DOP1B: variants seen among roughly 807,000 people sequenced by gnomAD.
DOP1B encodes the protein protein DOP1B.
Under a neutral mutation model 233.5 loss-of-function variants are expected in DOP1B, and 174 were observed. The observed-to-expected ratio is 0.75, with a 90% CI of 0.66 to 0.85. DOP1B has a LOEUF of 0.85. Ranked by LOEUF, DOP1B falls within the 40% of genes least tolerant of loss-of-function variation. The probability of loss-of-function intolerance (pLI) is 0.00; values close to 1 mark genes in which losing one functional copy is unlikely to be tolerated. For synonymous variants in DOP1B, 1,190 were observed against 1,185.6 expected (o/e 1.00, Z -0.08); for missense variants, 2,652 against 2,846.6 (o/e 0.93, Z 1.56).
rs1025376464 is a variant in DOP1B, at chr21:36,270,048, C to T, written c.5523C>T (p.Asn1841=). 1.2e-6 allele frequency: 2 copies of T among 1,614,146 alleles called. No homozygotes were observed. Among genetic ancestry groups the T allele is most frequent in the Non-Finnish European group, 1.7e-6 (2 of 1,180,022 alleles). ...AGAAAATCCTAGAAGCTGTGGGGAA[C>T]ATTGCCGGCTCTTCCTTGGAGCAAA... ...ITQKILEAVG[N]IAGSSLEQTS... Residue 1841 remains asparagine (N), a synonymous_variant, in exon 27 of 37, where the codon AAC becomes AAT. Coordinates refer to ENST00000691173, the MANE Select transcript of DOP1B (RefSeq NM_001320714.2).
intron 23 of DOP1B, among the ~76,000 whole-genome samples, chr21:36,256,277 C>T (rs1280411918): frequency 6.6e-6 from 1 of 151,990 alleles, no homozygotes; most frequent in African/African-American, 2.4e-5. Context: ...ATCATCTCTA[C>T]AGTAAATTTA....
In DOP1B at chr21:36,250,342, G is replaced by A. The variant is rs538866839; in HGVS notation, c.4999-820G>A. Among the ~76,000 whole-genome samples the A allele has an allele frequency of 2.3e-3, 357 of 152,294 alleles. 1 individual carries two copies. The highest frequency in any genetic ancestry group is 8.0e-3 in the African/African-American group (334 of 41,560). On this transcript the variant is annotated intron_variant, in intron 21 of 36. Transcript: ENST00000691173. ...ACGCACCAGGCTCTCTTGCTTTACC[G>A]GTGGACAAGAGAGATGAAGTCCCTG...
chr21:36,193,324 C>A (rs946416522), intron 2 of DOP1B, among the ~76,000 whole-genome samples: 2 of 152,146 alleles, frequency 1.3e-5, no homozygotes, highest in African/African-American at 4.8e-5. Flanking sequence ...GTGACAGTCG[C>A]GTAGAATGAC....
chr21:36,286,255 T>C (rs974138855), intron 32 of DOP1B, among the ~76,000 whole-genome samples: 10 of 152,126 alleles, frequency 6.6e-5, no homozygotes, highest in African/African-American at 2.2e-4. Flanking sequence ...AAAAGGCATG[T>C]ACAACATGAG....
At chr21:36,255,304 G>GT (rs1302424048) in intron 23 of DOP1B, among the ~76,000 whole-genome samples, 2 of 151,122 alleles carry the variant, frequency 1.3e-5, no homozygotes, top group Non-Finnish European at 3.0e-5. Context: ...GCTAATTTTT[G>GT]TATTTTTTTT....
chr21:36,268,957 C>T (rs1411318574), intron 26 of DOP1B, among the ~76,000 whole-genome samples: 8 of 152,014 alleles, frequency 5.3e-5, no homozygotes, highest in Non-Finnish European at 8.8e-5. Flanking sequence ...CGTGAGCCAC[C>T]GCGCCCGGCT....
chr21:36,199,442 CT>C (rs771744180), intron 3 of DOP1B, among the ~76,000 whole-genome samples, 191 bp downstream of exon 3: 18 of 145,224 alleles, frequency 1.2e-4, no homozygotes, highest in Admixed American at 1.4e-4. Flanking sequence ...TGCTTTCTTT[CT>C]TTTTTTTTTT....
intron 1 of DOP1B, among the ~76,000 whole-genome samples, chr21:36,158,067 G>C (rs1000667343): frequency 6.6e-6 from 1 of 151,990 alleles, no homozygotes; most frequent in Non-Finnish European, 1.5e-5. Flanking sequence ...TTAAAGTGCT[G>C]GGATTACAGG....
chr21:36,158,737 A>G (rs960463362), intron 1 of DOP1B, among the ~76,000 whole-genome samples: 1 of 148,116 alleles, frequency 6.8e-6, no homozygotes, highest in Admixed American at 6.9e-5. Flanking sequence ...TAGGAGGCGC[A>G]GGTTGCAGTG....
chr21:36,157,140 C>G (rs1373136982), intron 1 of DOP1B, among the ~76,000 whole-genome samples, 197 bp downstream of exon 1: 1 of 151,970 alleles, frequency 6.6e-6, no homozygotes, highest in African/African-American at 2.4e-5. Context: ...TGCTGCAGTG[C>G]GGGGGCGGAG....
chr21:36,171,868 C>T (rs528854803), intron 2 of DOP1B, among the ~76,000 whole-genome samples: 14 of 152,316 alleles, frequency 9.2e-5, no homozygotes, highest in Non-Finnish European at 1.9e-4. Flanking sequence ...ACACTAAGCC[C>T]CTGCTCTCAT....
intron 2 of DOP1B, among the ~76,000 whole-genome samples, chr21:36,190,418 G>A (rs1400333719): frequency 6.7e-6 from 1 of 150,364 alleles, no homozygotes; most frequent in African/African-American, 2.4e-5. Flanking sequence ...TTCTTTTCGA[G>A]ATGGAGTCTC....
intron 3 of DOP1B, among the ~76,000 whole-genome samples, chr21:36,199,837 C>T (rs545835731): frequency 6.6e-5 from 10 of 152,264 alleles, no homozygotes; most frequent in East Asian, 3.9e-4. Flanking sequence ...AGTCTATCAT[C>T]GATGGACATT....
intron 32 of DOP1B, among the ~76,000 whole-genome samples, chr21:36,287,489 T>A (rs1453569847): frequency 8.6e-5 from 13 of 152,014 alleles, no homozygotes; most frequent in African/African-American, 3.1e-4. Flanking sequence ...GGGAATCATT[T>A]CCTTAGGTTT....
chr21:36,289,504 G>C (rs1006674100), intron 35 of DOP1B, among the ~76,000 whole-genome samples: 1 of 150,280 alleles, frequency 6.7e-6, no homozygotes, highest in Non-Finnish European at 1.5e-5. Context: ...TTATAAAACA[G>C]GGCTTACCCA....
chr21:36,227,465 T>C (rs902366157), intron 12 of DOP1B, among the ~76,000 whole-genome samples: 1 of 151,274 alleles, frequency 6.6e-6, no homozygotes, highest in South Asian at 2.1e-4. Flanking sequence ...GAGAATGGCG[T>C]GAACCCGGGA....
chr21:36,272,858 C>T (rs2146237215), intron 27 of DOP1B, among the ~76,000 whole-genome samples: 1 of 150,990 alleles, frequency 6.6e-6, no homozygotes. Context: ...GTGGCGCATG[C>T]CTGGAATCCC....
At chr21:36,240,895 G>A (rs554479794) in intron 18 of DOP1B, among the ~76,000 whole-genome samples, 1 of 152,280 alleles carries the variant, frequency 6.6e-6, no homozygotes, top group South Asian at 2.1e-4. Flanking sequence ...AAGAAGTACT[G>A]CATTCATTCA....
intron 2 of DOP1B, among the ~76,000 whole-genome samples, chr21:36,183,504 TAC>T (rs2066126029): frequency 6.6e-6 from 1 of 152,252 alleles, no homozygotes; most frequent in Non-Finnish European, 1.5e-5. Context: ...GACGTGGACG[TAC>T]TTGTCTGTTG....
Sources: allele counts gnomAD v4.1 joint callset (sites outside exome capture counted in the v4.1 genomes callset), GRCh38; gene constraint gnomAD v4.1.1; transcripts MANE v1.5; gene names NCBI Gene and HGNC (gene_info 2026-07-23, HGNC 2026-07-21).